DPM1: variants seen among roughly 807,000 people sequenced by gnomAD.
DPM1 encodes dolichyl-phosphate mannosyltransferase subunit 1, catalytic, also known as dolichol-phosphate mannosyltransferase subunit 1.
A neutral mutation model predicts 39.0 loss-of-function variants in DPM1; 27 were observed. That is an observed-to-expected ratio of 0.69 (90% CI 0.51 to 0.95). The LOEUF is 0.95. DPM1 is among the 40% of genes least tolerant of loss of function. DPM1 has a pLI of 0.00. For synonymous variants in DPM1, 124 were observed against 109.0 expected (o/e 1.14, Z -0.86); for missense variants, 307 against 315.6 (o/e 0.97, Z 0.21).
chr20:50,945,462 G>A (rs1309136727), intron 5 of DPM1, among the ~76,000 whole-genome samples: 1 of 151,986 alleles, frequency 6.6e-6, no homozygotes, highest in African/African-American at 2.4e-5. Flanking sequence ...CACCTGAGCC[G>A]CCTGAGTAGC....
intron 2 of DPM1, among the ~76,000 whole-genome samples, chr20:50,953,348 A>G (rs1986675933): frequency 6.6e-6 from 1 of 152,222 alleles, no homozygotes; most frequent in Non-Finnish European, 1.5e-5. Flanking sequence ...TTCTTTTCTG[A>G]AAGATTCATT....
At chr20:50,943,046 C>T (rs1278040898) in intron 5 of DPM1, among the ~76,000 whole-genome samples, 3 of 152,006 alleles carry the variant, frequency 2.0e-5, no homozygotes, top group South Asian at 2.1e-4. Flanking sequence ...TGTAGTGGCA[C>T]GTGCCTGTAT....
chr20:50,951,606 C>T lies in DPM1; in HGVS notation c.262-2944G>A, dbSNP rs575212617. ...GAGTTCAAGAAGAGCCTGACCAACA[C>T]GGTGAAGCCCAGTCTCTACTAAAAA... On this transcript the variant is annotated intron_variant, in intron 2 of 8. Transcript: ENST00000371588. Among the ~76,000 whole-genome samples, 4 of 152,098 alleles carry T rather than the reference C, an allele frequency of 2.6e-5. No individual in the cohort carries two copies. The South Asian group carries it at 6.2e-4, about 24-fold the overall frequency.
At chr20:50,939,530 C>T (rs1985525717) in intron 7 of DPM1, among the ~76,000 whole-genome samples, 1 of 151,924 alleles carries the variant, frequency 6.6e-6, no homozygotes, top group South Asian at 2.1e-4. Context: ...GACAGGGTTT[C>T]ACTGTTAGCC....
chr20:50,952,606 G>A (rs1193857740), intron 2 of DPM1, among the ~76,000 whole-genome samples: 2 of 152,252 alleles, frequency 1.3e-5, no homozygotes, highest in Non-Finnish European at 2.9e-5. Context: ...TATCAGTGAG[G>A]CTCAGTATTT....
rs1985732151 is a variant in DPM1 at position 50,941,252 on chromosome 20, ATATATAT to A, written c.495-326_495-320del. ...AATATATATATATATATATATATAT[ATATATAT>A]ATATAAATAAAATACATTCATATAA... On this transcript the variant is annotated intron_variant, in intron 6 of 8. Coordinates refer to ENST00000371588, the MANE Select transcript of DPM1 (RefSeq NM_003859.3). 4.0e-5 allele frequency: 7 copies of A among 173,478 alleles called. 1 individual carries two copies. Among genetic ancestry groups the A allele is most frequent in the Middle Eastern group, 4.4e-3 (2 of 456 alleles). The allele number at this position is 173,478 out of a possible 1,614,324, so 10.7% of individuals were successfully genotyped here.
At chr20:50,958,200 A>AC (rs1428729217) in intron 1 of DPM1, among the ~76,000 whole-genome samples, 163 bp downstream of exon 1, 2 of 152,162 alleles carry the variant, frequency 1.3e-5, no homozygotes, top group Non-Finnish European at 2.9e-5. Flanking sequence ...AAAACCCAAC[A>AC]AGCATCCGCC....
chr20:50,943,741 T>G (rs1270594271), intron 5 of DPM1, among the ~76,000 whole-genome samples: 1 of 39,954 alleles, frequency 2.5e-5, no homozygotes, highest in Non-Finnish European at 4.3e-5. Flanking sequence ...AGCCTGAGTA[T>G]TTTTTTTTTT....
At chr20:50,945,688 AT>A (rs1406726227) in intron 5 of DPM1, 48 bp downstream of exon 5, 1 of 1,454,034 alleles carries the variant, frequency 6.9e-7, no homozygotes, top group Non-Finnish European at 9.6e-7. Context: ...AACCAGTAAG[AT>A]AAATGTTTCC....
chr20:50,941,261 T>TATATATATATATATATATATATATAA (rs1328756990), intron 6 of DPM1: 7 of 159,298 alleles, frequency 4.4e-5, no homozygotes, highest in African/African-American at 2.5e-4. Flanking sequence ...TATATATATA[T>TATATATATATATATATATATATATAA]ATAAATAAAA....
At position 50,948,627 on chromosome 20, in the gene DPM1, A is replaced by C. The variant is rs1439462687; in HGVS notation, c.295+2T>G. ...TGAGGGGTTAGAGATTACACGACTT[A>C]CCTAGTCCCAACTTTTTCTCTCGTG... On this transcript the variant is annotated splice_donor_variant, in intron 3 of 8. Coordinates refer to ENST00000371588, the MANE Select transcript of DPM1 (RefSeq NM_003859.3). LOFTEE classifies it high-confidence loss of function. 1.2e-6 allele frequency: 2 copies of C among 1,613,712 alleles called. No homozygotes were observed. The highest frequency in any genetic ancestry group is 1.7e-6 in the Non-Finnish European group (2 of 1,179,722).
At chr20:50,954,413 A>G (rs1457950911) in intron 2 of DPM1, among the ~76,000 whole-genome samples, 1 of 151,980 alleles carries the variant, frequency 6.6e-6, no homozygotes, top group Non-Finnish European at 1.5e-5. Flanking sequence ...AAACACGACA[A>G]CCCCCACAGT....
rs140116645 is a variant in DPM1 at position 50,937,408 on chromosome 20, T to A, written c.564-1146A>T. Among the ~76,000 whole-genome samples the A allele has an allele frequency of 1.8e-3, 276 of 152,262 alleles. 2 individuals are homozygous for A. Among genetic ancestry groups the A allele is most frequent in the Admixed American group, 2.1e-3 (32 of 15,292 alleles). On this transcript the variant is annotated intron_variant, in intron 7 of 8. Coordinates refer to ENST00000371588, the MANE Select transcript of DPM1 (RefSeq NM_003859.3). ...AGAGGAGAATCTGATGGTAGCAATA[T>A]TTATTCAATAATAAATATTTATTGA...
intron 7 of DPM1, among the ~76,000 whole-genome samples, chr20:50,939,035 C>T (rs1985471676): frequency 6.6e-6 from 1 of 152,098 alleles, no homozygotes; most frequent in African/African-American, 2.4e-5. Context: ...GTCTGTTTGG[C>T]TGCTCTGTCA....
chr20:50,949,678 T>C (rs908919684), intron 2 of DPM1, among the ~76,000 whole-genome samples: 1 of 152,210 alleles, frequency 6.6e-6, no homozygotes, highest in Non-Finnish European at 1.5e-5. Context: ...TTGTCTATCT[T>C]GTCCCCTTCT....
rs756012604 is a variant in DPM1 at position 50,941,182 on chromosome 20, G to C, written c.495-249C>G. The C allele has an allele frequency of 5.9e-4, 230 of 388,404 alleles. 1 individual carries two copies. The highest frequency in any genetic ancestry group is 8.1e-4 in the Non-Finnish European group (183 of 225,180). 24.1% of individuals were successfully genotyped at this position (388,404 alleles called of 1,614,324 possible). A position where few individuals can be genotyped will look rare whatever the true frequency, so the allele number is the denominator to read the frequency against. ...GATCACTTGAGCCCAGGAGTGACCA[G>C]CCTGGGCAACATGGCAAAACTCCAT... On this transcript the variant is annotated intron_variant, in intron 6 of 8. Transcript: ENST00000371588.
At chr20:50,957,748 G>A (rs1986905900) in intron 1 of DPM1, among the ~76,000 whole-genome samples, 1 of 152,144 alleles carries the variant, frequency 6.6e-6, no homozygotes, top group Non-Finnish European at 1.5e-5. Context: ...AAGTTACTTC[G>A]TACTGACTCC....
intron 3 of DPM1, 50 bp from the exon 4 acceptor site, chr20:50,945,973 T>C: frequency 6.7e-7 from 1 of 1,495,304 alleles, no homozygotes; most frequent in Non-Finnish European, 9.3e-7. Flanking sequence ...AATCTTTACA[T>C]ATACATTTGA....
intron 2 of DPM1, 38 bp from the exon 3 acceptor site, chr20:50,948,700 A>G (rs1601049199): frequency 4.4e-6 from 7 of 1,582,672 alleles, no homozygotes; most frequent in Non-Finnish European, 5.2e-6. Context: ...ACACAGAAAC[A>G]GAAATCTTAT....
Sources: allele counts gnomAD v4.1 joint callset (sites outside exome capture counted in the v4.1 genomes callset), GRCh38; gene constraint gnomAD v4.1.1; transcripts MANE v1.5; gene names NCBI Gene and HGNC (gene_info 2026-07-23, HGNC 2026-07-21).